The following TBC1D31 variants were observed in gnomAD, a reference collection of about 807,000 sequenced individuals.
TBC1D31 encodes the protein WD repeat domain 67.
Under a neutral mutation model 132.9 loss-of-function variants are expected in TBC1D31, and 99 were observed. That is an observed-to-expected ratio of 0.74 (90% CI 0.63 to 0.88). The LOEUF (loss-of-function observed/expected upper bound fraction) is 0.88, where lower values mean the gene tolerates loss of function less well. Among genes scored for constraint, TBC1D31 ranks in the 40% least tolerant of loss-of-function variants. The pLI, the probability that TBC1D31 is intolerant of heterozygous loss-of-function variation, is 0.00. For missense variants in TBC1D31, 1,134 were observed against 1,256.6 expected (o/e 0.90, Z 1.48); for synonymous variants, 385 against 419.4 (o/e 0.92, Z 1.00).
rs1818293905 is a variant in TBC1D31, at chr8:123,109,968, C to T, written c.1436+348C>T. 2.0e-5 allele frequency among the ~76,000 whole-genome samples: 3 copies of T among 152,104 alleles called. No individual in the cohort carries two copies. The South Asian group carries it at 6.2e-4, about 32-fold the overall frequency. ...ATTAGCTGGGTGTGGTGGCGGGCAT[C>T]TATAATCCCAGCTACTCAGGAGGCT... On this transcript the variant is annotated intron_variant, in intron 10 of 21. Transcript: ENST00000287380.
At chr8:123,120,447 G>A (rs1248007064) in intron 11 of TBC1D31, among the ~76,000 whole-genome samples, 13 of 152,162 alleles carry the variant, frequency 8.5e-5, no homozygotes, top group African/African-American at 2.4e-4. Flanking sequence ...TGAGGCAGGC[G>A]GATCACCTGA....
chr8:123,117,403 A>G (rs1029389555), intron 10 of TBC1D31, among the ~76,000 whole-genome samples: 1 of 152,184 alleles, frequency 6.6e-6, no homozygotes, highest in African/African-American at 2.4e-5. Context: ...ATGGAAAAAT[A>G]GTAATTTTGT....
intron 13 of TBC1D31, chr8:123,127,754 T>G (rs1820209704): frequency 6.5e-6 from 1 of 152,704 alleles, no homozygotes. Flanking sequence ...TTATAAAAAG[T>G]AGACGCTCTT....
At chr8:123,105,589 A>T (rs1817847598) in intron 8 of TBC1D31, 125 bp downstream of exon 8, 1 of 879,334 alleles carries the variant, frequency 1.1e-6, no homozygotes, top group South Asian at 2.5e-5. Flanking sequence ...AAGAGAATAA[A>T]GTTGTAACCT....
chr8:123,083,420 T>C (rs1043230638), intron 3 of TBC1D31: 1 of 152,156 alleles, frequency 6.6e-6, no homozygotes, highest in Non-Finnish European at 1.5e-5. Context: ...TTTATTATTT[T>C]TTTTTATTTT....
chr8:123,093,340 C>CT (rs1439777130), intron 4 of TBC1D31, among the ~76,000 whole-genome samples: 21 of 151,518 alleles, frequency 1.4e-4, no homozygotes, highest in African/African-American at 4.4e-4. Context: ...ATTTTTTAAA[C>CT]TGTCATTTAG....
chr8:123,094,583 A>G (rs1476403037), intron 5 of TBC1D31, among the ~76,000 whole-genome samples: 1 of 151,746 alleles, frequency 6.6e-6, no homozygotes, highest in Non-Finnish European at 1.5e-5. Flanking sequence ...CTTGTCCCCC[A>G]GGCTGGAGTG....
chr8:123,129,178 C>T lies in TBC1D31; in HGVS notation c.2230C>T (p.Leu744Phe), dbSNP rs780117210. 1.0e-5 allele frequency: 16 copies of T among 1,605,398 alleles called. No individual in the cohort carries two copies. The Admixed American group carries it at 2.7e-4, about 27-fold the overall frequency. The change falls in exon 15 of 22, where the codon CTC becomes TTC. Residue 744 changes from leucine (L) to phenylalanine (F), a missense_variant. Coordinates refer to ENST00000287380, the MANE Select transcript of TBC1D31 (RefSeq NM_145647.4). ...RKAEETRREMLLQEEEKMIQQ... is the reference protein window; with the variant it reads ...RKAEETRREMFLQEEEKMIQQ... ...AGCTGAAGAAACAAGAAGAGAAATG[C>T]TCTTACAAGAGGAGGAGAAAATGAT...
At chr8:123,095,788 A>C (rs912183608) in intron 5 of TBC1D31, among the ~76,000 whole-genome samples, 6 of 152,162 alleles carry the variant, frequency 3.9e-5, no homozygotes, top group African/African-American at 1.4e-4. Flanking sequence ...TTCTCTAAAG[A>C]GTCTGGGTTC....
intron 21 of TBC1D31, 62 bp downstream of exon 21, chr8:123,150,190 A>G: frequency 7.7e-7 from 1 of 1,301,718 alleles, no homozygotes; most frequent in Non-Finnish European, 1.1e-6. Context: ...TTTAAGCAAA[A>G]TTGTGGCTTA....
At chr8:123,160,388 G>A in the TBC1D31 span, among the ~76,000 whole-genome samples, 2 of 150,656 alleles carry the variant, frequency 1.3e-5, no homozygotes, top group Non-Finnish European at 2.9e-5. Flanking sequence ...TTTAAAAGGC[G>A]AACTGTAGGA....
chr8:123,158,272 A>T, the TBC1D31 span, among the ~76,000 whole-genome samples: 3 of 108,530 alleles, frequency 2.8e-5, no homozygotes, highest in African/African-American at 5.5e-5. Context: ...CTATTATAAT[A>T]AAAAAAAAGA....
intron 13 of TBC1D31, 115 bp downstream of exon 13, chr8:123,126,802 C>T (rs1487721695): frequency 9.8e-6 from 9 of 916,886 alleles, no homozygotes; most frequent in East Asian, 8.3e-5. Flanking sequence ...AGTGCAATGG[C>T]GCGATCTCAG....
chr8:123,119,393 G>A (rs894852358), intron 10 of TBC1D31, among the ~76,000 whole-genome samples: 2 of 152,192 alleles, frequency 1.3e-5, no homozygotes, highest in African/African-American at 4.8e-5. Flanking sequence ...GAAAGCAAAT[G>A]CCCTACGATA....
chr8:123,093,898 C>T (rs1816596099), intron 5 of TBC1D31, among the ~76,000 whole-genome samples, 156 bp downstream of exon 5: 1 of 151,812 alleles, frequency 6.6e-6, no homozygotes, highest in South Asian at 2.1e-4. Context: ...TTTTATTTTG[C>T]AAAATATCAA....
chr8:123,155,034 T>C (rs569684987), downstream of TBC1D31, among the ~76,000 whole-genome samples: 28 of 152,286 alleles, frequency 1.8e-4, no homozygotes, highest in African/African-American at 5.1e-4. This position sits in a 1 kb window ranked among gnomAD's most constrained non-coding sequence, Gnocchi z 4.1. Context: ...GCTTATACCA[T>C]TGAAAGTGGC....
rs1819122688 is a variant in TBC1D31 at position 123,118,123 on chromosome 8, ACT to A, written c.1437-1928_1437-1927del. On this transcript the variant is annotated intron_variant, in intron 10 of 21. Coordinates refer to ENST00000287380, the MANE Select transcript of TBC1D31 (RefSeq NM_145647.4). ...ATGAAAAATAAGGAAAGACTAAGGA[ACT>A]CTCATATTGGAAGAAACTAGAGAGA... is the stretch of plus-strand genomic sequence containing the variant. Among the ~76,000 whole-genome samples, 4 of 152,154 alleles carry A rather than the reference ACT, an allele frequency of 2.6e-5. 1 individual carries two copies. Among genetic ancestry groups the A allele is most frequent in the Admixed American group, 2.0e-4 (3 of 15,280 alleles).
At chr8:123,108,780 A>T (rs1818179367) in intron 8 of TBC1D31, among the ~76,000 whole-genome samples, 1 of 152,222 alleles carries the variant, frequency 6.6e-6, no homozygotes, top group African/African-American at 2.4e-5. Context: ...TCACAGTTCC[A>T]CATGGCTGTG....
At position 123,142,281 on chromosome 8, in the gene TBC1D31, C is replaced by T; in HGVS notation, c.2660C>T (p.Ala887Val). ...KTQKVIKENLAKAEQACLNTD... is the reference protein window; with the variant it reads ...KTQKVIKENLVKAEQACLNTD... Reference sequence around the variant, plus strand: ...TCCTAGGTGATTAAAGAAAATTTGGCAAAGGCTGAACAAGCATGCCTAAAT... The same window carrying T: ...TCCTAGGTGATTAAAGAAAATTTGGTAAAGGCTGAACAAGCATGCCTAAAT... The change falls in exon 19 of 22, where the codon GCA becomes GTA. Residue 887 changes from alanine (A) to valine (V), a missense_variant. By Grantham distance (64) the Ala-to-Val change is moderately conservative. Coordinates refer to ENST00000287380, the MANE Select transcript of TBC1D31 (RefSeq NM_145647.4). The T allele has an allele frequency of 6.4e-7, 1 of 1,566,634 alleles. No homozygotes were observed. Among genetic ancestry groups the T allele is most frequent in the South Asian group, 1.2e-5 (1 of 82,986 alleles).
Sources: gnomAD v4.1 joint callset for allele counts (sites outside exome capture counted in the v4.1 genomes callset) on GRCh38, gnomAD v4.1.1 for gene constraint, Gnocchi (gnomAD v3.1) non-coding constraint, MANE v1.5 for transcripts, NCBI Gene and HGNC (gene_info 2026-07-23, HGNC 2026-07-21) for gene names.